Variants in CDK14 observed in about 807,000 individuals in gnomAD.
CDK14 encodes the protein cyclin dependent kinase 14.
In CDK14, 34 loss-of-function variants were observed where a neutral mutation model predicts 60.7. The ratio of observed to expected loss-of-function variants is 0.56; its 90% CI spans 0.43 to 0.75. The LOEUF is 0.75. Among genes scored for constraint, CDK14 ranks in the 30% least tolerant of loss-of-function variants. The pLI is 0.00. For synonymous variants in CDK14, 197 were observed against 203.7 expected (o/e 0.97, Z 0.28); for missense variants, 482 against 564.1 (o/e 0.85, Z 1.47).
chr7:90,932,265 G>A (rs1181146581), intron 8 of CDK14, among the ~76,000 whole-genome samples: 1 of 152,178 alleles, frequency 6.6e-6, no homozygotes, highest in Non-Finnish European at 1.5e-5. Flanking sequence ...AGCACTTTGG[G>A]AGGCTGACAC....
intron 9 of CDK14, among the ~76,000 whole-genome samples, chr7:90,966,136 G>T (rs1794744372): frequency 6.6e-6 from 1 of 151,886 alleles, no homozygotes; most frequent in Non-Finnish European, 1.5e-5. Flanking sequence ...TAGAAAATTT[G>T]TATTACTTTG....
intron 4 of CDK14, among the ~76,000 whole-genome samples, chr7:90,787,266 G>A (rs558785787): frequency 1.3e-3 from 202 of 152,280 alleles, no homozygotes; most frequent in South Asian, 3.1e-3. Flanking sequence ...AGTAAGGTTA[G>A]TGAGTGTTTT....
intron 2 of CDK14, among the ~76,000 whole-genome samples, chr7:90,619,689 A>G (rs1208895202): frequency 6.6e-6 from 1 of 152,156 alleles, no homozygotes; most frequent in Non-Finnish European, 1.5e-5. Flanking sequence ...GGGGAATGTA[A>G]AAATTGATAC....
chr7:90,596,741 C>A (rs753055390), intron 1 of CDK14, 23 bp downstream of exon 1: 2 of 1,562,956 alleles, frequency 1.3e-6, no homozygotes, highest in South Asian at 1.1e-5. Flanking sequence ...CTGCCCCCGG[C>A]CCCCCCAGCG....
intron 3 of CDK14, among the ~76,000 whole-genome samples, chr7:90,727,389 C>CGGAA (rs1802682959): frequency 6.6e-6 from 1 of 151,980 alleles, no homozygotes; most frequent in Admixed American, 6.6e-5. Flanking sequence ...AGAGAATGTC[C>CGGAA]AGAAAGAAGT....
At chr7:90,665,758 G>A (rs1011272623) in intron 2 of CDK14, among the ~76,000 whole-genome samples, 2 of 152,140 alleles carry the variant, frequency 1.3e-5, no homozygotes, top group Non-Finnish European at 2.9e-5. Context: ...GCCCCTAATA[G>A]CAATAGTTAG....
At chr7:90,800,376 A>G (rs1788595275) in intron 5 of CDK14, among the ~76,000 whole-genome samples, 7 of 152,164 alleles carry the variant, frequency 4.6e-5, no homozygotes, top group Admixed American at 4.6e-4. Context: ...TTTGTACTGT[A>G]TAATTAAAAT....
intron 10 of CDK14, among the ~76,000 whole-genome samples, chr7:91,000,936 AGCAAGCTATTC>A (rs1795818421): frequency 6.6e-6 from 1 of 152,204 alleles, no homozygotes; most frequent in Non-Finnish European, 1.5e-5. Flanking sequence ...AATTTATGGG[AGCAAGCTATTC>A]ATGTCAGGTT....
At chr7:90,782,376 A>G (rs941003901) in intron 4 of CDK14, among the ~76,000 whole-genome samples, 17 of 152,098 alleles carry the variant, frequency 1.1e-4, no homozygotes, top group Non-Finnish European at 2.4e-4. Flanking sequence ...GGACAATTTG[A>G]CTTCCTCTTT....
chr7:90,810,731 C>T (rs1457567384), intron 5 of CDK14, among the ~76,000 whole-genome samples: 2 of 151,844 alleles, frequency 1.3e-5, no homozygotes, highest in East Asian at 3.9e-4. Flanking sequence ...CGTCTCAGCC[C>T]AAAATGTCCT....
intron 4 of CDK14, among the ~76,000 whole-genome samples, chr7:90,777,841 C>A (rs1308343914): frequency 6.6e-6 from 1 of 152,232 alleles, no homozygotes; most frequent in Non-Finnish European, 1.5e-5. Flanking sequence ...TCCACTATGC[C>A]TCAGACTGCA....
intron 11 of CDK14, among the ~76,000 whole-genome samples, chr7:91,067,547 A>T (rs577530766): frequency 6.6e-6 from 1 of 152,146 alleles, no homozygotes; most frequent in Non-Finnish European, 1.5e-5. Context: ...CTGTAATTCT[A>T]TATTTAGTTT....
chr7:90,979,915 T>C (rs1340866162), intron 9 of CDK14: 2 of 152,182 alleles, frequency 1.3e-5, no homozygotes, highest in Admixed American at 1.3e-4. Context: ...AATTTTGTGA[T>C]TGCTTTTGAC....
chr7:90,728,698 T>C (rs1802733171), intron 3 of CDK14, among the ~76,000 whole-genome samples: 1 of 152,084 alleles, frequency 6.6e-6, no homozygotes, highest in East Asian at 1.9e-4. Context: ...CCTGTTGAGA[T>C]TTTTGGTGGG....
At chr7:90,701,026 A>G (rs913738112) in intron 2 of CDK14, among the ~76,000 whole-genome samples, 4 of 152,320 alleles carry the variant, frequency 2.6e-5, no homozygotes, top group Middle Eastern at 3.4e-3. Context: ...CACTTTCTTT[A>G]CATATTCCAC....
At position 91,169,468 on chromosome 7, in the gene CDK14, GT is replaced by G. The variant is rs966277683; in HGVS notation, c.*29-37690del. ...CATGCTACTACTCTAAAATTAAATT[GT>G]TTTTTTAAACTGAATTTGCAGTAGG... On this transcript the variant is annotated intron_variant, in intron 14 of 14. Transcript: ENST00000380050. Among the ~76,000 whole-genome samples, 122 of 152,030 alleles carry G rather than the reference GT, an allele frequency of 8.0e-4. 1 individual carries two copies. Among genetic ancestry groups the G allele is most frequent in the Non-Finnish European group, 2.6e-4 (18 of 68,002 alleles).
chr7:90,707,188 T>G (rs1801916930), intron 2 of CDK14, among the ~76,000 whole-genome samples: 1 of 152,154 alleles, frequency 6.6e-6, no homozygotes. Flanking sequence ...AAATTGAGTT[T>G]ATAATAGTTT....
chr7:90,596,771 GC>G, intron 1 of CDK14, 53 bp downstream of exon 1: 1 of 1,440,856 alleles, frequency 6.9e-7, no homozygotes, highest in Non-Finnish European at 9.6e-7. Context: ...CTCGGCCTGC[GC>G]CCCCGCCGCG....
At chr7:90,913,440 C>T (rs538964646) in intron 7 of CDK14, among the ~76,000 whole-genome samples, 28 of 152,278 alleles carry the variant, frequency 1.8e-4, no homozygotes, top group African/African-American at 6.5e-4. Context: ...AATTAACTCA[C>T]AAAATGCACA....
Sources: gnomAD v4.1 joint callset for allele counts (sites outside exome capture counted in the v4.1 genomes callset) on GRCh38, gnomAD v4.1.1 for gene constraint, MANE v1.5 for transcripts, NCBI Gene and HGNC (gene_info 2026-07-23, HGNC 2026-07-21) for gene names.